Variants in TICRR observed in about 807,000 individuals in gnomAD.
TICRR encodes the protein TOPBP1 interacting checkpoint and replication regulator.
In TICRR, 132 loss-of-function variants were observed where a neutral mutation model predicts 178.1. The ratio of observed to expected loss-of-function variants is 0.74; its 90% CI spans 0.64 to 0.86. TICRR has a LOEUF of 0.86. Among genes scored for constraint, TICRR ranks in the 40% least tolerant of loss-of-function variants. The pLI is 0.00. For missense variants in TICRR, 2,587 were observed against 2,334.3 expected (o/e 1.11, Z -2.23); for synonymous variants, 991 against 900.7 (o/e 1.10, Z -1.79).
chr15:89,602,566 G>A (rs1228584611), intron 12 of TICRR, among the ~76,000 whole-genome samples: 1 of 152,046 alleles, frequency 6.6e-6, no homozygotes, highest in Non-Finnish European at 1.5e-5. Flanking sequence ...AATAAGCTTA[G>A]AGTTTCAGCT....
Position 89,602,879 on chromosome 15 carries a change from G to A in TICRR, c.2651G>A (p.Arg884Lys). The A allele has an allele frequency of 6.6e-7, 1 of 1,520,318 alleles. No individual in the cohort carries two copies. The highest frequency in any genetic ancestry group is 8.8e-7 in the Non-Finnish European group (1 of 1,134,100). 94.2% of individuals were successfully genotyped at this position (1,520,318 alleles called of 1,614,324 possible). A position where few individuals can be genotyped will look rare whatever the true frequency, so the allele number is the denominator to read the frequency against. Reference sequence around the variant, plus strand: ...ATTGAAATTCCTAAAGTGTCAAAGAGAGCTACGAAAAAAGTAAGTAAACCT... The same window carrying A: ...ATTGAAATTCCTAAAGTGTCAAAGAAAGCTACGAAAAAAGTAAGTAAACCT... Reference protein sequence around the residue: ...RQIEIPKVSKRATKKENSHPA... With the variant: ...RQIEIPKVSKKATKKENSHPA... Residue 884 changes from arginine to lysine, a missense_variant, in exon 13 of 22, where the codon AGA becomes AAA. By Grantham distance (26) the Arg-to-Lys change is conservative. Transcript: ENST00000268138.
intron 21 of TICRR, 119 bp downstream of exon 21, chr15:89,626,180 C>T: frequency 8.7e-7 from 1 of 1,154,482 alleles, no homozygotes; most frequent in Non-Finnish European, 1.2e-6. Flanking sequence ...GGATAGGTGA[C>T]TTCGCGCCTA....
intron 4 of TICRR, among the ~76,000 whole-genome samples, chr15:89,591,309 A>T (rs1054727710): frequency 1.3e-5 from 2 of 152,100 alleles, no homozygotes; most frequent in African/African-American, 4.8e-5. Context: ...CTTTTAGTAG[A>T]GACGGGGTTT....
At chr15:89,602,677 C>G in intron 12 of TICRR, 119 bp from the exon 13 acceptor site, 1 of 498,242 alleles carries the variant, frequency 2.0e-6, no homozygotes, top group Non-Finnish European at 3.2e-6. Context: ...CCAGAACAAC[C>G]TTAAGATAAC....
intron 15 of TICRR, among the ~76,000 whole-genome samples, chr15:89,611,383 C>T (rs1318488549): frequency 1.3e-5 from 2 of 152,268 alleles, no homozygotes; most frequent in South Asian, 2.1e-4. Context: ...TAAGCTGCTT[C>T]TCTATTGCTG....
intron 4 of TICRR, among the ~76,000 whole-genome samples, chr15:89,590,566 G>A (rs900046430): frequency 1.3e-5 from 2 of 152,140 alleles, no homozygotes; most frequent in African/African-American, 4.8e-5. Flanking sequence ...TCAGTGTGCC[G>A]GCTTATTGTC....
In TICRR at chr15:89,621,679, C is replaced by G. The variant is rs17236115; in HGVS notation, c.3312+129C>G. ...AGATAATACTAGAGATTGGAGGTGA[C>G]TGGGTGGAGCCACATGAATGATTAT... On this transcript the variant is annotated intron_variant, in intron 19 of 21. Coordinates refer to ENST00000268138, the MANE Select transcript of TICRR (RefSeq NM_152259.4). 62,721 of 751,252 alleles carry G rather than the reference C, an allele frequency of 0.083. 2,995 individuals are homozygous for G. Among genetic ancestry groups the G allele is most frequent in the Non-Finnish European group, 0.097 (46,369 of 479,960 alleles). 46.5% of individuals were successfully genotyped at this position (751,252 alleles called of 1,614,324 possible).
Position 89,608,786 on chromosome 15 carries a change from A to C in TICRR, c.2723-17A>C, listed in dbSNP as rs770862834. 1 of 1,560,086 alleles carries C rather than the reference A, an allele frequency of 6.4e-7. No individual in the cohort carries two copies. Among genetic ancestry groups the C allele is most frequent in the South Asian group, 1.2e-5 (1 of 82,516 alleles). On this transcript the variant is annotated splice_polypyrimidine_tract_variant and intron_variant, in intron 14 of 21. Coordinates refer to ENST00000268138, the MANE Select transcript of TICRR (RefSeq NM_152259.4). ...TCTTTGGGTTTTTCTTTTTCTTTTAATTTTTGATGCTTTCAGAAGTGACCA... is the reference window on the plus strand; with the variant it reads ...TCTTTGGGTTTTTCTTTTTCTTTTACTTTTTGATGCTTTCAGAAGTGACCA...
rs1567053868 is a variant in TICRR at position 89,625,314 on chromosome 15, A to G, written c.5004A>G (p.Thr1668=). The change falls in exon 20 of 22, where the codon ACA becomes ACG. Residue 1668 remains threonine (T), a synonymous_variant. Coordinates refer to ENST00000268138, the MANE Select transcript of TICRR (RefSeq NM_152259.4). Reference sequence around the variant, plus strand: ...TTCAAACAGATGGGGTTCCTTGGACACCATCCCCCAAGCACAGTGGGAAGA... The same window carrying G: ...TTCAAACAGATGGGGTTCCTTGGACGCCATCCCCCAAGCACAGTGGGAAGA... ...SPFQTDGVPW[T]PSPKHSGKTT... is the part of the protein sequence containing the mutation. 1.2e-6 allele frequency: 2 copies of G among 1,613,992 alleles called. No individual in the cohort carries two copies. Among genetic ancestry groups the G allele is most frequent in the Non-Finnish European group, 8.5e-7 (1 of 1,179,972 alleles).
intron 3 of TICRR, 72 bp from the exon 4 acceptor site, chr15:89,585,636 T>G: frequency 1.9e-6 from 2 of 1,050,114 alleles, no homozygotes; most frequent in South Asian, 2.7e-5. Flanking sequence ...TTATTCTGTC[T>G]TTTAGTACAC....
intron 1 of TICRR, among the ~76,000 whole-genome samples, chr15:89,576,627 T>A (rs72750732): frequency 0.33 from 49,652 of 151,628 alleles, 8,163 homozygotes; most frequent in South Asian, 0.38. Flanking sequence ...CACTTACCCT[T>A]TAAGGCTTCT....
chr15:89,583,060 G>T, intron 2 of TICRR, 95 bp downstream of exon 2: 2 of 1,293,560 alleles, frequency 1.5e-6, no homozygotes, highest in Non-Finnish European at 1.0e-6. Context: ...ATTTCTCACA[G>T]CCCAGGCACT....
At chr15:89,606,967 A>G (rs1963185053) in intron 14 of TICRR, 142 bp downstream of exon 14, 4 of 595,076 alleles carry the variant, frequency 6.7e-6, no homozygotes, top group Non-Finnish European at 1.2e-5. Context: ...AATACCATGG[A>G]CATAGTCCCC....
rs1567038000 is a variant in TICRR, at chr15:89,576,840, T to TAC, written c.654+601_654+602insCA. On this transcript the variant is annotated intron_variant, in intron 1 of 21. Coordinates refer to ENST00000268138, the MANE Select transcript of TICRR (RefSeq NM_152259.4). ...GTGTGTGTATATATATATATATATA[T>TAC]ATATATATATATATATATATACACA... Among the ~76,000 whole-genome samples, 5 of 140,832 alleles carry TAC rather than the reference T, an allele frequency of 3.6e-5. No homozygotes were observed. The East Asian group carries it at 8.0e-4, about 23-fold the overall frequency. The allele number at this position is 140,832 out of a possible 152,430, so 92.4% of individuals were successfully genotyped here.
chr15:89,575,819 A>G lies in TICRR; in HGVS notation c.233A>G (p.Glu78Gly). The change falls in exon 1 of 22, where the codon GAG (glutamate) becomes GGG (glycine). Residue 78 changes from glutamate (E) to glycine (G), a missense_variant. Glu to Gly is a moderately conservative substitution (Grantham distance 98). Transcript: ENST00000268138. ...TCCCGCTCGTGGGAGGACTTTGAGGAGGAGCTGGAGGCCAGGCTCGAGGAT... is the reference window on the plus strand; with the variant it reads ...TCCCGCTCGTGGGAGGACTTTGAGGGGGAGCTGGAGGCCAGGCTCGAGGAT... The part of the protein sequence containing the change: ...LGSRSWEDFE[E>G]ELEARLEDRA... 2 of 1,599,974 alleles carry G rather than the reference A, an allele frequency of 1.3e-6. No individual in the cohort carries two copies. Among genetic ancestry groups the G allele is most frequent in the African/African-American group, 2.7e-5 (2 of 74,792 alleles).
intron 15 of TICRR, among the ~76,000 whole-genome samples, chr15:89,610,544 A>G (rs1349143748): frequency 6.6e-6 from 1 of 152,160 alleles, no homozygotes; most frequent in Non-Finnish European, 1.5e-5. Flanking sequence ...TCTTTTGCAT[A>G]GGATATCTTT....
Position 89,624,056 on chromosome 15 carries a change from G to T in TICRR, c.3746G>T (p.Arg1249Ile), listed in dbSNP as rs1325718951. 2 of 1,613,816 alleles carry T rather than the reference G, an allele frequency of 1.2e-6. No individual in the cohort carries two copies. The highest frequency in any genetic ancestry group is 1.7e-5 in the Admixed American group (1 of 59,990). The change falls in exon 20 of 22, where the codon AGA (arginine) becomes ATA (isoleucine). Residue 1249 changes from arginine to isoleucine, a missense_variant. By Grantham distance (97) the Arg-to-Ile change is moderately conservative. Transcript: ENST00000268138. ...CTCACTCCCATCAGAGACCCTCTCAGAACACCTCCGAGAGCAGCAGCCTTC... is the reference window on the plus strand; with the variant it reads ...CTCACTCCCATCAGAGACCCTCTCATAACACCTCCGAGAGCAGCAGCCTTC... ...ECLTPIRDPL[R>I]TPPRAAAFMG...
At chr15:89,595,657 T>TA (rs759221720) in intron 7 of TICRR, 46 bp downstream of exon 7, 1 of 1,443,228 alleles carries the variant, frequency 6.9e-7, no homozygotes, top group Admixed American at 2.0e-5. Context: ...CCCGCTTTTT[T>TA]AAAAATAAAA....
intron 7 of TICRR, 48 bp from the exon 8 acceptor site, chr15:89,599,276 G>C: frequency 6.7e-7 from 1 of 1,484,764 alleles, no homozygotes; most frequent in Non-Finnish European, 9.1e-7. Context: ...GTAATACAAG[G>C]ACTTGAGCAA....
Sources: gnomAD v4.1 joint callset for allele counts (sites outside exome capture counted in the v4.1 genomes callset) on GRCh38, gnomAD v4.1.1 for gene constraint, MANE v1.5 for transcripts, NCBI Gene and HGNC (gene_info 2026-07-23, HGNC 2026-07-21) for gene names.